STAG1: variants seen among roughly 807,000 people sequenced by gnomAD.
The protein encoded by STAG1 is cohesin subunit SA-1.
Under a neutral mutation model 170.9 loss-of-function variants are expected in STAG1, and 26 were observed. That is an observed-to-expected ratio of 0.15 (90% confidence interval 0.11 to 0.21). STAG1 has a LOEUF of 0.21. STAG1 is among the 10% of genes least tolerant of loss of function. STAG1 has a pLI of 1.00. For missense variants in STAG1, 964 were observed against 1,509.5 expected (o/e 0.64, Z 5.99); for synonymous variants, 514 against 497.7 (o/e 1.03, Z -0.44).
At chr3:136,735,649 GTCT>G (rs1180731587) in intron 1 of STAG1, among the ~76,000 whole-genome samples, 1 of 151,780 alleles carries the variant, frequency 6.6e-6, no homozygotes, top group Non-Finnish European at 1.5e-5. Context: ...TTTCACTTTT[GTCT>G]TCCAGACTGG....
chr3:136,393,554 G>A (rs1265610913), intron 22 of STAG1, among the ~76,000 whole-genome samples: 1 of 150,810 alleles, frequency 6.6e-6, no homozygotes, highest in Non-Finnish European at 1.5e-5. Flanking sequence ...AAACAATAAG[G>A]TAATGACAAC....
At chr3:136,650,472 TA>T (rs1941180577) in intron 1 of STAG1, among the ~76,000 whole-genome samples, 1 of 152,156 alleles carries the variant, frequency 6.6e-6, no homozygotes. Flanking sequence ...ACATATGCAA[TA>T]AAAACGAAAG....
intron 1 of STAG1, among the ~76,000 whole-genome samples, chr3:136,738,016 C>T (rs1331812222): frequency 2.0e-5 from 3 of 151,856 alleles, no homozygotes; most frequent in Non-Finnish European, 4.4e-5. Context: ...TGCAGTGAGC[C>T]GAGATTGTGC....
chr3:136,706,606 A>C (rs1943233086), intron 1 of STAG1, among the ~76,000 whole-genome samples: 1 of 152,212 alleles, frequency 6.6e-6, no homozygotes, highest in African/African-American at 2.4e-5. Flanking sequence ...CCCCAATTAG[A>C]TCATTTAATA....
chr3:136,734,677 C>A (rs934411899), intron 1 of STAG1, among the ~76,000 whole-genome samples: 1 of 152,072 alleles, frequency 6.6e-6, no homozygotes, highest in Non-Finnish European at 1.5e-5. Flanking sequence ...ATTTCATTAA[C>A]CCTATTGGTT....
intron 21 of STAG1, among the ~76,000 whole-genome samples, chr3:136,401,403 A>T (rs1303206984): frequency 2.6e-5 from 4 of 152,190 alleles, no homozygotes; most frequent in Non-Finnish European, 4.4e-5. Flanking sequence ...ATGCTCTAAG[A>T]ATAGGACTTC....
intron 21 of STAG1, among the ~76,000 whole-genome samples, chr3:136,411,466 T>G (rs368542721): frequency 1.2e-4 from 18 of 152,180 alleles, no homozygotes; most frequent in East Asian, 9.6e-4. Context: ...TCTACAAAAG[T>G]GGGTATAAGA....
In STAG1 at chr3:136,714,815, G is replaced by A. The variant is rs372393742; in HGVS notation, c.-84+37380C>T. 6.4e-4 allele frequency among the ~76,000 whole-genome samples: 95 copies of A among 148,484 alleles called. 1 individual carries two copies. In the South Asian group the frequency reaches 0.019, roughly 30 times the overall value. On this transcript the variant is annotated intron_variant, in intron 1 of 33. Coordinates refer to ENST00000383202, the MANE Select transcript of STAG1 (RefSeq NM_005862.3). ...TCTCAGCTACCTGGGAGACTGAGAT[G>A]GCAAGATCACTTGAACCTGGGAGGT...
chr3:136,579,078 G>A (rs1054669121), intron 4 of STAG1, among the ~76,000 whole-genome samples: 1 of 152,176 alleles, frequency 6.6e-6, no homozygotes, highest in African/African-American at 2.4e-5. Flanking sequence ...TCACTAGTTT[G>A]GCCTATGCTG....
chr3:136,616,583 T>G (rs1040893647), intron 3 of STAG1, among the ~76,000 whole-genome samples: 1 of 152,114 alleles, frequency 6.6e-6, no homozygotes, highest in Admixed American at 6.6e-5. Flanking sequence ...CTTTGTTTCT[T>G]AGAAAAATAA....
intron 15 of STAG1, among the ~76,000 whole-genome samples, chr3:136,437,571 T>C (rs2088495402): frequency 6.6e-6 from 1 of 152,214 alleles, no homozygotes; most frequent in Non-Finnish European, 1.5e-5. Context: ...GAACTCTGGC[T>C]TCTCCCTTTT....
chr3:136,569,158 T>C (rs187043683), intron 4 of STAG1, among the ~76,000 whole-genome samples: 325 of 152,140 alleles, frequency 2.1e-3, no homozygotes, highest in African/African-American at 7.5e-3. Flanking sequence ...ATTCAAACCA[T>C]ATTAAGAAAA....
chr3:136,591,205 A>G (rs1175997769), intron 4 of STAG1, among the ~76,000 whole-genome samples: 2 of 128,202 alleles, frequency 1.6e-5, no homozygotes, highest in Non-Finnish European at 3.2e-5. Context: ...GTTTGTGGAC[A>G]GAGTCTTTTT....
intron 22 of STAG1, among the ~76,000 whole-genome samples, chr3:136,398,108 G>A (rs1446627905): frequency 9.9e-5 from 15 of 150,952 alleles, no homozygotes; most frequent in African/African-American, 2.4e-4. Flanking sequence ...CACCACACCC[G>A]GCTAATTTTT....
chr3:136,670,110 T>A (rs973714012), intron 1 of STAG1, among the ~76,000 whole-genome samples: 3 of 152,184 alleles, frequency 2.0e-5, no homozygotes, highest in African/African-American at 7.2e-5. Context: ...GAGTCTACAG[T>A]CAAGTTATTC....
intron 1 of STAG1, among the ~76,000 whole-genome samples, chr3:136,668,823 A>C (rs1178094591): frequency 6.6e-6 from 1 of 152,120 alleles, no homozygotes; most frequent in Non-Finnish European, 1.5e-5. Context: ...ATCAGCTAAC[A>C]CTCCTCAATA....
chr3:136,751,180 TTTTTG>T (rs1559990168), intron 1 of STAG1, among the ~76,000 whole-genome samples: 84 of 147,572 alleles, frequency 5.7e-4, no homozygotes, highest in African/African-American at 2.2e-3. Flanking sequence ...GCGTTTTTTT[TTTTTG>T]TTTTTTTTTT....
Position 136,447,596 on chromosome 3 carries a change from A to ATTT in STAG1, c.1429-4195_1429-4193dup, listed in dbSNP as rs777110138. 3.8e-3 allele frequency among the ~76,000 whole-genome samples: 279 copies of ATTT among 74,320 alleles called. 34 individuals are homozygous for ATTT. Among genetic ancestry groups the ATTT allele is most frequent in the African/African-American group, 0.015 (267 of 17,874 alleles). The allele number at this position is 74,320 out of a possible 152,430, so 48.8% of individuals were successfully genotyped here. On this transcript the variant is annotated intron_variant, in intron 14 of 33. Coordinates refer to ENST00000383202, the MANE Select transcript of STAG1 (RefSeq NM_005862.3). Reference sequence around the variant, plus strand: ...TCCTTATCCCTCTGAAAAGCATCACATTTTTTTTTTTTTTTTTTTTTTTTT... The same window carrying ATTT: ...TCCTTATCCCTCTGAAAAGCATCACATTTTTTTTTTTTTTTTTTTTTTTTTTTT...
intron 16 of STAG1, among the ~76,000 whole-genome samples, chr3:136,428,432 T>C (rs777863094): frequency 7.2e-5 from 11 of 152,116 alleles, no homozygotes; most frequent in Non-Finnish European, 1.2e-4. Flanking sequence ...ACAATGCCCC[T>C]GACCAACCAG....
Sources: gnomAD v4.1 joint callset for allele counts (sites outside exome capture counted in the v4.1 genomes callset) on GRCh38, gnomAD v4.1.1 for gene constraint, MANE v1.5 for transcripts, NCBI Gene and HGNC (gene_info 2026-07-23, HGNC 2026-07-21) for gene names.